The following HECTD4 variants were observed in gnomAD, a reference collection of about 807,000 sequenced individuals.
The protein encoded by HECTD4 is HECT domain E3 ubiquitin protein ligase 4, also known as probable E3 ubiquitin-protein ligase HECTD4.
HECTD4 carries 114 observed loss-of-function variants against 471.5 expected under a neutral mutation model. The observed-to-expected ratio is 0.24, with a 90% confidence interval of 0.21 to 0.28. The LOEUF is 0.28. Among genes scored for constraint, HECTD4 ranks in the 10% least tolerant of loss-of-function variants. The probability of loss-of-function intolerance (pLI) is 1.00; values close to 1 mark genes in which losing one functional copy is unlikely to be tolerated. For missense variants in HECTD4, 3,866 were observed against 5,651.5 expected, an observed-to-expected ratio of 0.68 and a Z score of 10.13; for synonymous variants, 2,012 against 2,256.0, an observed-to-expected ratio of 0.89 and a Z score of 3.07.
At chr12:112,201,639 A>C (rs938828902) in intron 54 of HECTD4, among the ~76,000 whole-genome samples, 2 of 152,200 alleles carry the variant, frequency 1.3e-5, no homozygotes, top group Admixed American at 6.5e-5. Flanking sequence ...ACATCTGCTT[A>C]GTACTGAGTG....
At position 112,193,223 on chromosome 12, in the gene HECTD4, G is replaced by A. The variant is rs372479852; in HGVS notation, c.8956-32C>T. ...AGAGACACTGAATAAGGAAAGCCAC[G>A]GGCTAAACACAGGGACAGCATTTCA... On this transcript the variant is annotated intron_variant, in intron 57 of 75. Coordinates refer to ENST00000682272, the MANE Select transcript of HECTD4 (RefSeq NM_001388303.1). This position sits in a 1 kb window ranked among gnomAD's most constrained non-coding sequence, Gnocchi z 5.2. 2.3e-5 allele frequency: 37 copies of A among 1,610,020 alleles called. No homozygotes were observed. Among genetic ancestry groups the A allele is most frequent in the Non-Finnish European group, 2.8e-5 (33 of 1,178,124 alleles).
At chr12:112,204,034 G>T (rs2032504727) in intron 53 of HECTD4, among the ~76,000 whole-genome samples, 1 of 152,166 alleles carries the variant, frequency 6.6e-6, no homozygotes, top group African/African-American at 2.4e-5. Context: ...AGTTTAAAAT[G>T]GGCAAAGAAT....
Position 112,216,799 on chromosome 12 carries a change from A to G in HECTD4, c.7359T>C (p.Asn2453=). The G allele has an allele frequency of 6.2e-7, 1 of 1,613,966 alleles. No individual in the cohort carries two copies. The highest frequency in any genetic ancestry group is 1.3e-5 in the African/African-American group (1 of 75,042). The change falls in exon 47 of 76, where the codon AAT becomes AAC. Residue 2453 remains asparagine, a synonymous_variant. Transcript: ENST00000682272. ...EAEKRDGAWT[N]PVGTCLFHNN... ...TATGGAAAAGACAAGTGCCCACTGG[A>G]TTAGTCCAAGCCCCATCTCGCTTCT...
chr12:112,381,773 G>C lies in HECTD4; in HGVS notation c.177+179C>G, dbSNP rs1403096347. 6.6e-6 allele frequency among the ~76,000 whole-genome samples: 1 copy of C among 152,002 alleles called. No homozygotes were observed. The highest frequency in any genetic ancestry group is 1.5e-5 in the Non-Finnish European group (1 of 67,960). ...CCCGAGGAGGGAGGGAGGGAGAGCG[G>C]GGCGGGCGGTCCGCAGACCTGCGGC... On this transcript the variant is annotated intron_variant, in intron 1 of 75. Transcript: ENST00000682272. The surrounding 1 kb of genome is among the most constrained non-coding windows in gnomAD (Gnocchi z 4.1).
intron 70 of HECTD4, 49 bp from the exon 71 acceptor site, chr12:112,167,966 GC>G: frequency 4.2e-6 from 6 of 1,418,624 alleles, no homozygotes; most frequent in African/African-American, 1.4e-5. Flanking sequence ...CCGGCGGGAG[GC>G]GACACCGTTC....
Position 112,308,893 on chromosome 12 carries a change from T to G in HECTD4, c.1026-2A>C. ...TCGTTCCGGCAGTACACAAAACCTC[T>G]GTGGAATGAAATGGAGCACAGGCTG... On this transcript the variant is annotated splice_acceptor_variant, in intron 5 of 75. Transcript: ENST00000682272. LOFTEE classifies it high-confidence loss of function. 6.5e-7 allele frequency: 1 copy of G among 1,535,766 alleles called. No individual in the cohort carries two copies. The highest frequency in any genetic ancestry group is 8.7e-7 in the Non-Finnish European group (1 of 1,146,782).
chr12:112,301,799 T>TG, intron 7 of HECTD4: 1 of 515,142 alleles, frequency 1.9e-6, no homozygotes, highest in Non-Finnish European at 3.3e-6. Flanking sequence ...TTCAGCTAGC[T>TG]GTTTTTTTTT....
chr12:112,256,062 C>G (rs183374250), intron 21 of HECTD4, among the ~76,000 whole-genome samples: 1 of 152,258 alleles, frequency 6.6e-6, no homozygotes, highest in East Asian at 1.9e-4. Flanking sequence ...TCTCATATAT[C>G]TAAGCACCTG....
At chr12:112,195,194 C>T (rs2032199488) in intron 55 of HECTD4, 128 bp from the exon 56 acceptor site, 2 of 715,102 alleles carry the variant, frequency 2.8e-6, no homozygotes, top group Admixed American at 6.2e-5. Context: ...ATGTTCCAAA[C>T]CCTAAAGGAG....
intron 54 of HECTD4, 54 bp from the exon 55 acceptor site, chr12:112,200,852 T>TGTGCGTGC (rs200777167): frequency 1.0e-5 from 16 of 1,545,844 alleles, no homozygotes; most frequent in African/African-American, 9.7e-5. Flanking sequence ...GTTTTCCATG[T>TGTGCGTGC]GTGCGTGCGT....
chr12:112,298,412 G>T (rs1482588960), intron 7 of HECTD4, among the ~76,000 whole-genome samples: 1 of 151,330 alleles, frequency 6.6e-6, no homozygotes, highest in Non-Finnish European at 1.5e-5. Flanking sequence ...TACTAAACAT[G>T]GAAATTAATC....
At chr12:112,290,079 G>C (rs2034843513) in intron 7 of HECTD4, among the ~76,000 whole-genome samples, 1 of 152,036 alleles carries the variant, frequency 6.6e-6, no homozygotes, top group South Asian at 2.1e-4. Context: ...CCAGCACTTT[G>C]AGAGGCCGAG....
chr12:112,232,938 G>A (rs1009023859), intron 38 of HECTD4, 66 bp downstream of exon 38: 4 of 1,380,986 alleles, frequency 2.9e-6, no homozygotes, highest in East Asian at 2.5e-5. Flanking sequence ...AATTTGTTCT[G>A]AAAATCTAAA....
intron 7 of HECTD4, among the ~76,000 whole-genome samples, chr12:112,300,134 G>C (rs2035132511): frequency 1.3e-5 from 2 of 151,960 alleles, no homozygotes; most frequent in African/African-American, 4.8e-5. Flanking sequence ...GGCCAACATG[G>C]TGAAACCCCG....
In HECTD4 at chr12:112,163,454, C is replaced by T; in HGVS notation, c.12897+88G>A. ...AGGACAGAGCTGAGACAGGCCACTGCCGATGCCTGCTGCTGGAGTTGAGGG... is the reference window on the plus strand; with the variant it reads ...AGGACAGAGCTGAGACAGGCCACTGTCGATGCCTGCTGCTGGAGTTGAGGG... On this transcript the variant is annotated intron_variant, in intron 74 of 75. Transcript: ENST00000682272. The surrounding 1 kb of genome is among the most constrained non-coding windows in gnomAD (Gnocchi z 8.2). The T allele has an allele frequency of 4.1e-6, 5 of 1,217,312 alleles. No homozygotes were observed. Among genetic ancestry groups the T allele is most frequent in the Non-Finnish European group, 4.5e-6 (4 of 888,094 alleles). 75.4% of individuals were successfully genotyped at this position (1,217,312 alleles called of 1,614,324 possible). A position where few individuals can be genotyped will look rare whatever the true frequency, so the allele number is the denominator to read the frequency against.
chr12:112,171,132 G>C lies in HECTD4; in HGVS notation c.11917C>G (p.Leu3973Val). The C allele has an allele frequency of 6.2e-7, 1 of 1,613,316 alleles. No homozygotes were observed. Residue 3973 changes from leucine (L) to valine (V), a missense_variant, in exon 68 of 76, where the codon CTG becomes GTG. Physicochemically the swap from Leu to Val is conservative, Grantham distance 32 (BLOSUM62 1). Transcript: ENST00000682272. ...AGGCACTGACCTTTGGCCTCCTTCA[G>C]CAGGGCGGCGATGCTGTGGGTATAC... ...PMYTHSIAAL[L>V]KEAKGLIFYD...
At chr12:112,206,502 T>C (rs1256968288) in intron 52 of HECTD4, among the ~76,000 whole-genome samples, 7 of 146,424 alleles carry the variant, frequency 4.8e-5, no homozygotes, top group Non-Finnish European at 1.1e-4. Flanking sequence ...CTCAAAAAAA[T>C]AATAAAAAAA....
intron 1 of HECTD4, among the ~76,000 whole-genome samples, chr12:112,377,075 G>A (rs1159123359): frequency 6.6e-6 from 1 of 152,134 alleles, no homozygotes; most frequent in South Asian, 2.1e-4. Context: ...TGGCACTACT[G>A]CATTCCAGCC....
rs1253322281 is a variant in HECTD4 at position 112,184,113 on chromosome 12, TG to T, written c.10779+73del. ...ACCATTACCTACTAGGAAATAACTT[TG>T]GAAGATTTAAAGAGGCTTGGGGGAT... On this transcript the variant is annotated intron_variant, in intron 61 of 75. Coordinates refer to ENST00000682272, the MANE Select transcript of HECTD4 (RefSeq NM_001388303.1). The surrounding 1 kb of genome is among the most constrained non-coding windows in gnomAD (Gnocchi z 9.1). 17 of 1,384,622 alleles carry T rather than the reference TG, an allele frequency of 1.2e-5. No individual in the cohort carries two copies. The African/African-American group carries it at 2.3e-4, about 19-fold the overall frequency. The allele number at this position is 1,384,622 out of a possible 1,614,324, so 85.8% of individuals were successfully genotyped here. A position where few individuals can be genotyped will look rare whatever the true frequency, so the allele number is the denominator to read the frequency against.
Sources: gnomAD v4.1 joint callset for allele counts (sites outside exome capture counted in the v4.1 genomes callset) on GRCh38, gnomAD v4.1.1 for gene constraint, Gnocchi (gnomAD v3.1) non-coding constraint, MANE v1.5 for transcripts, NCBI Gene and HGNC (gene_info 2026-07-23, HGNC 2026-07-21) for gene names.